Variants in SETBP1 observed in about 807,000 individuals in gnomAD.
SETBP1 encodes the protein SET binding protein 1, also known as SET-binding protein.
SETBP1 carries 9 observed loss-of-function variants against 101.0 expected under a neutral mutation model. That is an observed-to-expected ratio of 0.09 (90% CI 0.05 to 0.16). The LOEUF is 0.16. Ranked by LOEUF, SETBP1 falls within the 10% of genes least tolerant of loss-of-function variation. The pLI is 1.00. For missense variants in SETBP1, 1,858 were observed against 2,033.8 expected (o/e 0.91, Z 1.66); for synonymous variants, 818 against 788.5 (o/e 1.04, Z -0.63).
At chr18:44,730,484 G>A (rs1179997334) in intron 2 of SETBP1, among the ~76,000 whole-genome samples, 1 of 152,202 alleles carries the variant, frequency 6.6e-6, no homozygotes, top group Non-Finnish European at 1.5e-5. Flanking sequence ...AGGCAGTGAG[G>A]AACCTCGCTC....
chr18:44,768,464 G>A (rs1438079763), intron 2 of SETBP1, among the ~76,000 whole-genome samples: 3 of 152,098 alleles, frequency 2.0e-5, no homozygotes, highest in Non-Finnish European at 4.4e-5. Context: ...AATGTTTTCA[G>A]ATTTCTTTAT....
At chr18:45,035,625 A>C (rs1203553870) in intron 4 of SETBP1, among the ~76,000 whole-genome samples, 1 of 152,228 alleles carries the variant, frequency 6.6e-6, no homozygotes, top group Non-Finnish European at 1.5e-5. Flanking sequence ...TCTGACTGCT[A>C]ATCCTGTTTA....
intron 2 of SETBP1, among the ~76,000 whole-genome samples, chr18:44,749,278 TG>T (rs2070330426): frequency 6.6e-6 from 1 of 152,160 alleles, no homozygotes; most frequent in African/African-American, 2.4e-5. Flanking sequence ...AAAGAGAAGG[TG>T]AGGCGCAGAG....
chr18:45,060,679 A>C (rs1388140569), intron 5 of SETBP1, among the ~76,000 whole-genome samples: 1 of 152,196 alleles, frequency 6.6e-6, no homozygotes, highest in Non-Finnish European at 1.5e-5. Flanking sequence ...TTTAATGCAA[A>C]GACTTAATAA....
chr18:45,052,033 A>C (rs907795637), intron 5 of SETBP1, among the ~76,000 whole-genome samples: 1 of 122,658 alleles, frequency 8.2e-6, no homozygotes, highest in Non-Finnish European at 1.9e-5. Context: ...ATTGATTTCA[A>C]GTAAGTCAGC....
At chr18:44,831,303 AT>A (rs1191260763) in intron 2 of SETBP1, among the ~76,000 whole-genome samples, 1 of 152,222 alleles carries the variant, frequency 6.6e-6, no homozygotes, top group Non-Finnish European at 1.5e-5. Context: ...ACTATCCTGT[AT>A]AAAACCAGAC....
intron 3 of SETBP1, among the ~76,000 whole-genome samples, chr18:44,883,510 G>C (rs1403905987): frequency 1.3e-5 from 2 of 152,152 alleles, no homozygotes; most frequent in Non-Finnish European, 2.9e-5. Flanking sequence ...TAGCTAATCA[G>C]GTTGTCTGTC....
chr18:44,710,450 G>GGTTTTTTTT (rs1555671140), intron 2 of SETBP1, among the ~76,000 whole-genome samples: 1 of 123,410 alleles, frequency 8.1e-6, no homozygotes, highest in Non-Finnish European at 1.6e-5. Context: ...CATTTTAGGA[G>GGTTTTTTTT]TTTTTTTTTT....
At chr18:44,961,767 C>T (rs2071616997) in intron 4 of SETBP1, among the ~76,000 whole-genome samples, 1 of 152,186 alleles carries the variant, frequency 6.6e-6, no homozygotes, top group South Asian at 2.1e-4. Flanking sequence ...CACACAGGCA[C>T]ATAGCTTTTG....
At chr18:44,879,668 A>T (rs1446656305) in intron 3 of SETBP1, among the ~76,000 whole-genome samples, 2 of 152,320 alleles carry the variant, frequency 1.3e-5, no homozygotes, top group African/African-American at 4.8e-5. Context: ...TAGGCTGTTT[A>T]TGATGCTTGC....
chr18:44,835,658 T>C (rs1482199752), intron 2 of SETBP1, among the ~76,000 whole-genome samples: 1 of 152,258 alleles, frequency 6.6e-6, no homozygotes, highest in Non-Finnish European at 1.5e-5. Context: ...CTTGTCTGGC[T>C]GCTCAATGTT....
rs77132234 is a variant in SETBP1, at chr18:44,809,579, T to C, written c.487-59651T>C. 5.2e-3 allele frequency among the ~76,000 whole-genome samples: 799 copies of C among 152,318 alleles called. 8 individuals are homozygous for C. The highest frequency in any genetic ancestry group is 0.018 in the African/African-American group (745 of 41,570). On this transcript the variant is annotated intron_variant, in intron 2 of 5. Coordinates refer to ENST00000649279, the MANE Select transcript of SETBP1 (RefSeq NM_015559.3). ...TTACCCATGGCCTTTAGTATTTTTCTGGATCCAGGGAAGAGGCTCTGTCAA... is the reference window on the plus strand; with the variant it reads ...TTACCCATGGCCTTTAGTATTTTTCCGGATCCAGGGAAGAGGCTCTGTCAA...
At position 44,949,915 on chromosome 18, in the gene SETBP1, A is replaced by G. The variant is rs569466922; in HGVS notation, c.575A>G (p.His192Arg). ...YERPQKHSTL[H>R]YDTGLPQDFT... ...AGGCCCCAGAAACATTCAACTCTCCATTATGACACGGGCCTCCCACAGGAC... is the reference window on the plus strand; with the variant it reads ...AGGCCCCAGAAACATTCAACTCTCCGTTATGACACGGGCCTCCCACAGGAC... The change falls in exon 4 of 6, where the codon CAT becomes CGT. Residue 192 changes from histidine (H) to arginine (R), a missense_variant. Physicochemically the swap from His to Arg is conservative, Grantham distance 29. Coordinates refer to ENST00000649279, the MANE Select transcript of SETBP1 (RefSeq NM_015559.3). 164 of 1,613,884 alleles carry G rather than the reference A, an allele frequency of 1.0e-4. 2 individuals carry two copies. In the South Asian group the frequency reaches 1.6e-3, roughly 16 times the overall value.
chr18:44,858,510 A>G (rs917128065), intron 2 of SETBP1, among the ~76,000 whole-genome samples: 2 of 152,272 alleles, frequency 1.3e-5, no homozygotes, highest in Admixed American at 1.3e-4. Context: ...GTCTTTGAAA[A>G]TACTCAGTAA....
At position 45,064,802 on chromosome 18, in the gene SETBP1, G is replaced by A. The variant is rs1465245163; in HGVS notation, c.*1104G>A. 7.6e-6 allele frequency: 1 copy of A among 131,738 alleles called. No homozygotes were observed. The highest frequency in any genetic ancestry group is 1.6e-5 in the Non-Finnish European group (1 of 63,354). The allele number at this position is 131,738 out of a possible 1,614,324, so 8.2% of individuals were successfully genotyped here. A position where few individuals can be genotyped will look rare whatever the true frequency, so the allele number is the denominator to read the frequency against. ...TTTTTCATTCAAATAATTGTCATAG[G>A]TTGTTCAAAAAAAAAAAAAAAAAGG... On this transcript the variant is annotated 3_prime_UTR_variant, in exon 6 of 6. Coordinates refer to ENST00000649279, the MANE Select transcript of SETBP1 (RefSeq NM_015559.3).
chr18:44,858,427 C>T (rs1005309078), intron 2 of SETBP1, among the ~76,000 whole-genome samples: 3 of 152,194 alleles, frequency 2.0e-5, no homozygotes, highest in African/African-American at 7.2e-5. Context: ...TCATTTCAAC[C>T]AATGGCAAAG....
At chr18:44,820,345 T>C (rs1599173000) in intron 2 of SETBP1, among the ~76,000 whole-genome samples, 2 of 152,208 alleles carry the variant, frequency 1.3e-5, no homozygotes, top group Non-Finnish European at 2.9e-5. Flanking sequence ...GAAGACATCA[T>C]CTGTTTCCTA....
chr18:44,893,861 G>C (rs897245173), intron 3 of SETBP1, among the ~76,000 whole-genome samples: 2 of 152,080 alleles, frequency 1.3e-5, no homozygotes, highest in Admixed American at 1.3e-4. Context: ...ATGATGAAAA[G>C]TGTATCTCTT....
intron 4 of SETBP1, among the ~76,000 whole-genome samples, chr18:44,981,206 G>A (rs1327859971): frequency 6.6e-6 from 1 of 152,162 alleles, no homozygotes. Flanking sequence ...AATCCCTGAG[G>A]CAGAGGCCCA....
Sources: allele counts gnomAD v4.1 joint callset (sites outside exome capture counted in the v4.1 genomes callset), GRCh38; gene constraint gnomAD v4.1.1; transcripts MANE v1.5; gene names NCBI Gene and HGNC (gene_info 2026-07-23, HGNC 2026-07-21).